The following HOGA1 variants were observed in gnomAD, a reference collection of about 807,000 sequenced individuals.
HOGA1 encodes 4-hydroxy-2-oxoglutarate aldolase 1.
A neutral mutation model predicts 34.3 loss-of-function variants in HOGA1; 30 were observed. That is an observed-to-expected ratio of 0.87 (90% CI 0.65 to 1.19). The LOEUF is 1.19. Ranked by LOEUF, HOGA1 falls within the 50% of genes most tolerant of loss-of-function variation. HOGA1 has a pLI of 0.00. For missense variants in HOGA1, 417 were observed against 436.5 expected, an observed-to-expected ratio of 0.96 and a Z score of 0.40; for synonymous variants, 161 against 174.0, an observed-to-expected ratio of 0.93 and a Z score of 0.59.
At position 97,603,751 on chromosome 10, in the gene HOGA1, C is replaced by T. The variant is rs116638926; in HGVS notation, c.834+1761C>T. Among the ~76,000 whole-genome samples, 466 of 151,298 alleles carry T rather than the reference C, an allele frequency of 3.1e-3. 2 individuals carry two copies. The highest frequency in any genetic ancestry group is 0.011 in the African/African-American group (442 of 41,244). ...CTAATTTTTGTGCTTTTAGTGAAGACGGGTTTCACCATGTTGGCCAGGCTG... is the reference window on the plus strand; with the variant it reads ...CTAATTTTTGTGCTTTTAGTGAAGATGGGTTTCACCATGTTGGCCAGGCTG... On this transcript the variant is annotated intron_variant, in intron 6 of 6. Coordinates refer to ENST00000370646, the MANE Select transcript of HOGA1 (RefSeq NM_138413.4). This position sits in a 1 kb window ranked among gnomAD's most constrained non-coding sequence, Gnocchi z 4.5.
intron 1 of HOGA1, among the ~76,000 whole-genome samples, chr10:97,592,859 C>T (rs1439958937): frequency 1.3e-5 from 2 of 151,088 alleles, no homozygotes; most frequent in East Asian, 2.0e-4. Flanking sequence ...CGTGAAACCT[C>T]GTCTCTACTA....
intron 1 of HOGA1, among the ~76,000 whole-genome samples, chr10:97,598,096 T>C (rs2041084924): frequency 6.6e-6 from 1 of 152,264 alleles, no homozygotes; most frequent in African/African-American, 2.4e-5. Flanking sequence ...TTCAGCATTG[T>C]TTGCAATAGC....
intron 6 of HOGA1, among the ~76,000 whole-genome samples, chr10:97,606,302 GAA>G (rs796388342): frequency 7.0e-6 from 1 of 142,054 alleles, no homozygotes; most frequent in Non-Finnish European, 1.5e-5. Flanking sequence ...CCATCTCAGG[GAA>G]AAAAAAAAAA....
intron 5 of HOGA1, among the ~76,000 whole-genome samples, chr10:97,601,269 G>A (rs997542383): frequency 6.6e-6 from 1 of 152,132 alleles, no homozygotes; most frequent in Non-Finnish European, 1.5e-5. Flanking sequence ...CAGAAGTGGC[G>A]GGGGTTTCTG....
chr10:97,586,527 C>T lies in HOGA1; in HGVS notation c.211+1613C>T, dbSNP rs1037591781. Among the ~76,000 whole-genome samples the T allele has an allele frequency of 1.1e-4, 16 of 152,286 alleles. No homozygotes were observed. In the South Asian group the frequency reaches 1.2e-3, roughly 12 times the overall value. On this transcript the variant is annotated intron_variant, in intron 1 of 6. Coordinates refer to ENST00000370646, the MANE Select transcript of HOGA1 (RefSeq NM_138413.4). ...GTTAGGTTTCTGCTGGTGCTTGGCT[C>T]GTGGGGCCTGGAGGTTTGGTGAGGT... is the stretch of plus-strand genomic sequence containing the variant.
rs761009383 is a variant in HOGA1, at chr10:97,584,835, C to T, written c.132C>T (p.Thr44=). Residue 44 remains threonine (T), a synonymous_variant, in exon 1 of 7, where the codon ACC becomes ACT. Coordinates refer to ENST00000370646, the MANE Select transcript of HOGA1 (RefSeq NM_138413.4). Reference sequence around the variant, plus strand: ...CGGGTATCTACCCCCCTGTGACCACCCCCTTCACTGCCACTGCAGAGGTGG... The same window carrying T: ...CGGGTATCTACCCCCCTGTGACCACTCCCTTCACTGCCACTGCAGAGGTGG... ...DIAGIYPPVT[T]PFTATAEVDY... is the part of the protein sequence containing the mutation. 3.1e-6 allele frequency: 5 copies of T among 1,613,968 alleles called. No individual in the cohort carries two copies. The highest frequency in any genetic ancestry group is 2.2e-5 in the South Asian group (2 of 91,080).
At chr10:97,585,183 G>A (rs1007344905) in intron 1 of HOGA1, among the ~76,000 whole-genome samples, 2 of 152,224 alleles carry the variant, frequency 1.3e-5, no homozygotes, top group Non-Finnish European at 2.9e-5. Flanking sequence ...AGCTCCCAGA[G>A]TGATTCTGAG....
rs150812556 is a variant in HOGA1, at chr10:97,584,888, A to T, written c.185A>T (p.His62Leu). Residue 62 changes from histidine to leucine, a missense_variant, in exon 1 of 7, where the codon CAC becomes CTC. His to Leu is a moderately conservative substitution (Grantham distance 99, BLOSUM62 -3). Transcript: ENST00000370646. Reference protein sequence around the residue: ...VDYGKLEENLHKLGTFPFRGF... With the variant: ...VDYGKLEENLLKLGTFPFRGF... ...TATGGGAAACTGGAGGAGAATCTGC[A>T]CAAACTGGGCACCTTCCCCTTCCGA... 445 of 1,614,062 alleles carry T rather than the reference A, an allele frequency of 2.8e-4. 1 individual carries two copies. The Middle Eastern group carries it at 4.3e-3, about 16-fold the overall frequency.
chr10:97,586,630 C>A (rs891155786), intron 1 of HOGA1, among the ~76,000 whole-genome samples: 1 of 152,190 alleles, frequency 6.6e-6, no homozygotes, highest in Non-Finnish European at 1.5e-5. Flanking sequence ...CAAGGATGCT[C>A]TAGTTCAGGG....
intron 3 of HOGA1, 47 bp downstream of exon 3, chr10:97,599,263 G>A: frequency 1.2e-6 from 2 of 1,611,454 alleles, no homozygotes; most frequent in Non-Finnish European, 1.7e-6. Context: ...CCAGGGAGAG[G>A]AGATAAGGGA....
Position 97,601,933 on chromosome 10 carries a change from G to A in HOGA1, c.777G>A (p.Thr259=), listed in dbSNP as rs34820265. Residue 259 remains threonine (T), a synonymous_variant, in exon 6 of 7, where the codon ACG becomes ACA. Coordinates refer to ENST00000370646, the MANE Select transcript of HOGA1 (RefSeq NM_138413.4). ...QVCQLERLCC[T]GQWEDAQKLQ... Reference sequence around the variant, plus strand: ...GCCAGCTGGAGCGACTGTGCTGCACGGGGCAATGGGAAGATGCCCAGAAAC... The same window carrying A: ...GCCAGCTGGAGCGACTGTGCTGCACAGGGCAATGGGAAGATGCCCAGAAAC... 1.7e-3 allele frequency: 2,762 copies of A among 1,613,182 alleles called. 34 individuals carry two copies. The African/African-American group carries it at 0.033, about 19-fold the overall frequency.
intron 1 of HOGA1, among the ~76,000 whole-genome samples, chr10:97,585,904 C>G (rs934173507): frequency 6.6e-6 from 1 of 152,004 alleles, no homozygotes; most frequent in African/African-American, 2.4e-5. Context: ...TTTGGGAGGC[C>G]GAGGCGGAGG....
chr10:97,596,071 G>A (rs2041069056), intron 1 of HOGA1, among the ~76,000 whole-genome samples: 1 of 152,238 alleles, frequency 6.6e-6, no homozygotes, highest in Non-Finnish European at 1.5e-5. Flanking sequence ...TCAAAGATGT[G>A]ATGTGACTTG....
rs558021160 is a variant in HOGA1 at position 97,592,924 on chromosome 10, G to A, written c.212-5851G>A. On this transcript the variant is annotated intron_variant, in intron 1 of 6. Transcript: ENST00000370646. ...TGCCCACCTTAATCCCAGCTGCTTGGGAGGCTGAGTTGGGAGGATTGCTTG... is the reference window on the plus strand; with the variant it reads ...TGCCCACCTTAATCCCAGCTGCTTGAGAGGCTGAGTTGGGAGGATTGCTTG... Among the ~76,000 whole-genome samples, 4 of 151,410 alleles carry A rather than the reference G, an allele frequency of 2.6e-5. No homozygotes were observed. In the South Asian group the frequency reaches 8.4e-4, roughly 32 times the overall value.
intron 1 of HOGA1, among the ~76,000 whole-genome samples, chr10:97,598,225 C>G (rs2041085938): frequency 6.6e-6 from 1 of 152,172 alleles, no homozygotes; most frequent in South Asian, 2.1e-4. Flanking sequence ...TGGGCTCAAG[C>G]GATCCACCCA....
Position 97,591,817 on chromosome 10 carries a change from TTGTGTGTG to T in HOGA1, c.212-6923_212-6916del, listed in dbSNP as rs56742680. Reference sequence around the variant, plus strand: ...TTTTTTTTTTTTCTTTTCTTTCATTTTGTGTGTGTGTGTGTGTGTGTGTGTGTGTGTGT... The same window carrying T: ...TTTTTTTTTTTTCTTTTCTTTCATTTTGTGTGTGTGTGTGTGTGTGTGTGT... On this transcript the variant is annotated intron_variant, in intron 1 of 6. Coordinates refer to ENST00000370646, the MANE Select transcript of HOGA1 (RefSeq NM_138413.4). Among the ~76,000 whole-genome samples the T allele has an allele frequency of 1.8e-3, 201 of 111,072 alleles. 2 individuals are homozygous for T. Among genetic ancestry groups the T allele is most frequent in the African/African-American group, 3.5e-3 (96 of 27,644 alleles). 72.9% of individuals were successfully genotyped at this position (111,072 alleles called of 152,430 possible).
At position 97,599,180 on chromosome 10, in the gene HOGA1, C is replaced by T; in HGVS notation, c.432C>T (p.Arg144=). The T allele has an allele frequency of 6.2e-7, 1 of 1,613,910 alleles. No individual in the cohort carries two copies. Among genetic ancestry groups the T allele is most frequent in the Non-Finnish European group, 8.5e-7 (1 of 1,180,018 alleles). The change falls in exon 3 of 7, where the codon CGC becomes CGT. Residue 144 remains arginine, a synonymous_variant. Coordinates refer to ENST00000370646, the MANE Select transcript of HOGA1 (RefSeq NM_138413.4). Reference sequence around the variant, plus strand: ...TGACCCCTTGCTACTATCGTGGCCGCATGAGCAGTGCGGCCCTCATTCACC... The same window carrying T: ...TGACCCCTTGCTACTATCGTGGCCGTATGAGCAGTGCGGCCCTCATTCACC... ...MVVTPCYYRG[R]MSSAALIHHY... is the part of the protein sequence containing the mutation.
rs560516336 is a variant in HOGA1 at position 97,603,287 on chromosome 10, T to A, written c.834+1297T>A. On this transcript the variant is annotated intron_variant, in intron 6 of 6. Transcript: ENST00000370646. This position sits in a 1 kb window ranked among gnomAD's most constrained non-coding sequence, Gnocchi z 4.5. ...CCAATCTTTTTTCTTTTATTTTTTT[T>A]ATTTTCGAAACAGGGTCATTCTCTG... is the stretch of plus-strand genomic sequence containing the variant. 2.0e-4 allele frequency among the ~76,000 whole-genome samples: 30 copies of A among 152,194 alleles called. No individual in the cohort carries two copies. The East Asian group carries it at 5.2e-3, about 26-fold the overall frequency.
chr10:97,590,753 A>C, intron 1 of HOGA1: 2 of 632,764 alleles, frequency 3.2e-6, no homozygotes, highest in Non-Finnish European at 5.6e-6. Context: ...TTTAAACTCC[A>C]TGAGTGGGGT....
Sources: gnomAD v4.1 joint callset for allele counts (sites outside exome capture counted in the v4.1 genomes callset) on GRCh38, gnomAD v4.1.1 for gene constraint, Gnocchi (gnomAD v3.1) non-coding constraint, MANE v1.5 for transcripts, NCBI Gene and HGNC (gene_info 2026-07-23, HGNC 2026-07-21) for gene names.